Variants in STX16 observed in about 807,000 individuals in gnomAD.
STX16 encodes the protein syntaxin 16, also known as syntaxin-16.
In STX16, 28 loss-of-function variants were observed where a neutral mutation model predicts 42.7. That is an observed-to-expected ratio of 0.66 (90% CI 0.49 to 0.90). The LOEUF (loss-of-function observed/expected upper bound fraction) is 0.90. Ranked by LOEUF, STX16 falls within the 40% of genes least tolerant of loss-of-function variation. STX16 has a pLI of 0.00. For missense variants in STX16, 361 were observed against 420.9 expected (o/e 0.86, Z 1.24); for synonymous variants, 156 against 155.2 (o/e 1.00, Z -0.04).
At chr20:58,652,363 T>A (rs1044919119) in intron 1 of STX16, 1 of 617,082 alleles carries the variant, frequency 1.6e-6, no homozygotes, top group Non-Finnish European at 2.9e-6. Flanking sequence ...TCTCCTCACT[T>A]CCGCAGCACC....
In STX16 at chr20:58,651,350, C is replaced by T. The variant is rs1018260688; in HGVS notation, c.-657C>T. ...CCGGGGAGGCAGGCCCTGCTGTCTT[C>T]CTGCAGGCCGGCAGCCTGCTGGCAG... On this transcript the variant is annotated 5_prime_UTR_variant, in exon 1 of 9. Coordinates refer to ENST00000371141, the MANE Select transcript of STX16 (RefSeq NM_001001433.3). The T allele has an allele frequency of 2.6e-5, 4 of 153,502 alleles. No homozygotes were observed. Among genetic ancestry groups the T allele is most frequent in the African/African-American group, 9.6e-5 (4 of 41,478 alleles). The allele number at this position is 153,502 out of a possible 1,614,324, so 9.5% of individuals were successfully genotyped here. A position where few individuals can be genotyped will look rare whatever the true frequency, so the allele number is the denominator to read the frequency against.
At chr20:58,655,272 T>A (rs947323800) in intron 1 of STX16, among the ~76,000 whole-genome samples, 1 of 152,194 alleles carries the variant, frequency 6.6e-6, no homozygotes, top group African/African-American at 2.4e-5. Flanking sequence ...TGCAGAGTAG[T>A]GTGTATCATA....
In STX16 at chr20:58,679,310, T is replaced by C. The variant is rs2084215763; in HGVS notation, c.*3019T>C. 2 of 152,686 alleles carry C rather than the reference T, an allele frequency of 1.3e-5. No homozygotes were observed. The highest frequency in any genetic ancestry group is 4.1e-4 in the South Asian group (2 of 4,834). The allele number at this position is 152,686 out of a possible 1,614,324, so 9.5% of individuals were successfully genotyped here. A position where few individuals can be genotyped will look rare whatever the true frequency, so the allele number is the denominator to read the frequency against. On this transcript the variant is annotated 3_prime_UTR_variant, in exon 9 of 9. Coordinates refer to ENST00000371141, the MANE Select transcript of STX16 (RefSeq NM_001001433.3). Reference sequence around the variant, plus strand: ...AGTGCTTTCAGTGTTTTATCCTAGCTAATGGCTTCTTAAAGGTAATAAAAC... The same window carrying C: ...AGTGCTTTCAGTGTTTTATCCTAGCCAATGGCTTCTTAAAGGTAATAAAAC...
rs779520198 is a variant in STX16 at position 58,677,865 on chromosome 20, A to T, written c.*1574A>T. The T allele has an allele frequency of 6.6e-5, 10 of 152,270 alleles. No individual in the cohort carries two copies. Among genetic ancestry groups the T allele is most frequent in the African/African-American group, 1.4e-4 (6 of 41,456 alleles). The allele number at this position is 152,270 out of a possible 1,614,324, so 9.4% of individuals were successfully genotyped here. A position where few individuals can be genotyped will look rare whatever the true frequency, so the allele number is the denominator to read the frequency against. ...TTCCAAGTTGGTGCCACCTCCAGGT[A>T]GCCATTGGTGGTTTTCCTATTACTG... On this transcript the variant is annotated 3_prime_UTR_variant, in exon 9 of 9. Coordinates refer to ENST00000371141, the MANE Select transcript of STX16 (RefSeq NM_001001433.3).
intron 3 of STX16, 54 bp downstream of exon 3, chr20:58,667,651 T>A (rs762763416): frequency 1.4e-6 from 2 of 1,474,570 alleles, no homozygotes; most frequent in South Asian, 1.1e-5. Context: ...ATTATGACAA[T>A]GTATTTTAAG....
intron 2 of STX16, among the ~76,000 whole-genome samples, chr20:58,664,677 A>T (rs1319118202): frequency 6.6e-6 from 1 of 152,236 alleles, no homozygotes; most frequent in Non-Finnish European, 1.5e-5. Flanking sequence ...TATTCACTTC[A>T]ACCGACTTTT....
chr20:58,674,291 G>T (rs2084050818), intron 8 of STX16, among the ~76,000 whole-genome samples: 1 of 152,066 alleles, frequency 6.6e-6, no homozygotes, highest in South Asian at 2.1e-4. Flanking sequence ...ATGTTTTTAT[G>T]ATATTCTCTT....
intron 1 of STX16, among the ~76,000 whole-genome samples, chr20:58,655,251 C>T (rs914480095): frequency 6.6e-6 from 1 of 151,998 alleles, no homozygotes; most frequent in African/African-American, 2.4e-5. Flanking sequence ...GAAAAAGCTG[C>T]AGAAATTAAT....
At chr20:58,674,170 T>C (rs2084047822) in intron 8 of STX16, among the ~76,000 whole-genome samples, 1 of 152,320 alleles carries the variant, frequency 6.6e-6, no homozygotes, top group South Asian at 2.1e-4. Context: ...AAAAATCTAA[T>C]CTTCTCTTTA....
intron 1 of STX16, chr20:58,652,375 C>CT: frequency 1.7e-6 from 1 of 600,114 alleles, no homozygotes; most frequent in Admixed American, 2.2e-5. Flanking sequence ...CGCAGCACCC[C>CT]CCCCCCCGCA....
At chr20:58,673,797 G>C in intron 8 of STX16, 86 bp downstream of exon 8, 2 of 963,104 alleles carry the variant, frequency 2.1e-6, no homozygotes, top group Non-Finnish European at 3.3e-6. Context: ...CCACCATAAC[G>C]ATCTTCAGCA....
Position 58,667,525 on chromosome 20 carries a change from C to T in STX16, c.180C>T (p.Ile60=), listed in dbSNP as rs1251957013. 1 of 1,614,152 alleles carries T rather than the reference C, an allele frequency of 6.2e-7. No homozygotes were observed. Among genetic ancestry groups the T allele is most frequent in the East Asian group, 2.2e-5 (1 of 44,878 alleles). Residue 60 remains isoleucine (I), a synonymous_variant, in exon 3 of 9, where the codon ATC becomes ATT. Coordinates refer to ENST00000371141, the MANE Select transcript of STX16 (RefSeq NM_001001433.3). ...ACCGTATGGCACTGGTGTCAGGCAT[C>T]AGCTTAGATCCAGAAGCAGCGATTG... ...ADDRMALVSG[I]SLDPEAAIGV... is the part of the protein sequence containing the mutation.
At chr20:58,672,217 A>G (rs1490556310) in intron 7 of STX16, among the ~76,000 whole-genome samples, 1 of 152,058 alleles carries the variant, frequency 6.6e-6, no homozygotes, top group East Asian at 1.9e-4. Context: ...TGCCTGTAAC[A>G]GCTACTCGGG....
At chr20:58,676,139 T>A in intron 8 of STX16, 48 bp from the exon 9 acceptor site, 1 of 1,528,856 alleles carries the variant, frequency 6.5e-7, no homozygotes, top group Non-Finnish European at 9.1e-7. Context: ...GGACTTGATT[T>A]GGGATTTTGG....
Position 58,676,339 on chromosome 20 carries a change from T to A in STX16, c.*48T>A. The stretch of plus-strand genomic sequence containing the variant: ...GCCGCGCGTGTGGATCTCCCGGGTG[T>A]GAGGGGCTTGGCCTGCGCCCCGCCA... On this transcript the variant is annotated 3_prime_UTR_variant, in exon 9 of 9. Transcript: ENST00000371141. 2 of 1,543,242 alleles carry A rather than the reference T, an allele frequency of 1.3e-6. No individual in the cohort carries two copies. The highest frequency in any genetic ancestry group is 1.1e-5 in the South Asian group (1 of 89,420).
chr20:58,651,675 G>A lies in STX16; in HGVS notation c.-332G>A, dbSNP rs2083457983. Reference sequence around the variant, plus strand: ...TCCCAGTCTAGAGCCGGATTGGCGAGTTAGACGCTTGTAGATCCAAGGTTG... The same window carrying A: ...TCCCAGTCTAGAGCCGGATTGGCGAATTAGACGCTTGTAGATCCAAGGTTG... On this transcript the variant is annotated 5_prime_UTR_variant, in exon 1 of 9. Transcript: ENST00000371141. The A allele has an allele frequency of 3.8e-6, 1 of 263,948 alleles. No individual in the cohort carries two copies. The highest frequency in any genetic ancestry group is 2.2e-5 in the African/African-American group (1 of 44,980). The allele number at this position is 263,948 out of a possible 1,614,324, so 16.4% of individuals were successfully genotyped here.
Position 58,668,046 on chromosome 20 carries a change from C to G in STX16, c.312C>G (p.Asp104Glu). The G allele has an allele frequency of 2.5e-6, 4 of 1,614,244 alleles. No homozygotes were observed. The highest frequency in any genetic ancestry group is 3.4e-6 in the Non-Finnish European group (4 of 1,180,048). Residue 104 changes from aspartate (D) to glutamate (E), a missense_variant, in exon 4 of 9, where the codon GAC becomes GAG. By Grantham distance (45) the Asp-to-Glu change is conservative. Coordinates refer to ENST00000371141, the MANE Select transcript of STX16 (RefSeq NM_001001433.3). ...TGAAAGAATTGGCCAGCCTTCATGA[C>G]AAGCATTTAAACAGACCCACCCTGG... ...QKMKELASLH[D>E]KHLNRPTLDD...
chr20:58,675,994 A>G (rs1349842081), intron 8 of STX16, among the ~76,000 whole-genome samples, 193 bp from the exon 9 acceptor site: 1 of 152,184 alleles, frequency 6.6e-6, no homozygotes, highest in Admixed American at 6.5e-5. Flanking sequence ...AAGCAGCACC[A>G]GGATCATGGG....
chr20:58,675,494 C>T (rs2084090107), intron 8 of STX16, among the ~76,000 whole-genome samples: 1 of 152,224 alleles, frequency 6.6e-6, no homozygotes, highest in Non-Finnish European at 1.5e-5. Flanking sequence ...AGTTCCCGCT[C>T]CTGCCGAGCT....
Sources: gnomAD v4.1 joint callset for allele counts (sites outside exome capture counted in the v4.1 genomes callset) on GRCh38, gnomAD v4.1.1 for gene constraint, MANE v1.5 for transcripts, NCBI Gene and HGNC (gene_info 2026-07-23, HGNC 2026-07-21) for gene names.